SERGEF: variants seen among roughly 807,000 people sequenced by gnomAD.
The protein encoded by SERGEF is secretion regulating guanine nucleotide exchange factor, also known as secretion-regulating guanine nucleotide exchange factor.
SERGEF carries 51 observed loss-of-function variants against 50.0 expected under a neutral mutation model. That is an observed-to-expected ratio of 1.02 (90% CI 0.81 to 1.29). The LOEUF (loss-of-function observed/expected upper bound fraction) is 1.29. Among genes scored for constraint, SERGEF ranks in the 50% most tolerant of loss-of-function variants. The probability of loss-of-function intolerance (pLI) is 0.00; values close to 1 mark genes in which losing one functional copy is unlikely to be tolerated. For synonymous variants in SERGEF, 205 were observed against 212.4 expected (o/e 0.97, Z 0.30); for missense variants, 521 against 557.0 (o/e 0.94, Z 0.65).
At chr11:17,855,730 A>G (rs1195836112) in intron 10 of SERGEF, 2 of 152,242 alleles carry the variant, frequency 1.3e-5, no homozygotes, top group Non-Finnish European at 2.9e-5. Flanking sequence ...GCAACTGCAG[A>G]TAAGGGGAAC....
At chr11:17,829,655 T>C (rs995503302) in intron 10 of SERGEF, among the ~76,000 whole-genome samples, 65 of 152,122 alleles carry the variant, frequency 4.3e-4, no homozygotes, top group African/African-American at 1.5e-3. Context: ...CAACAACTAC[T>C]AACCAACAAA....
chr11:17,915,800 C>A (rs1365810016), intron 9 of SERGEF, among the ~76,000 whole-genome samples: 1 of 152,224 alleles, frequency 6.6e-6, no homozygotes, highest in Non-Finnish European at 1.5e-5. Flanking sequence ...AAACTATGAA[C>A]CTTTCCCATT....
At chr11:17,813,622 C>T (rs981167802) in intron 10 of SERGEF, among the ~76,000 whole-genome samples, 2 of 152,220 alleles carry the variant, frequency 1.3e-5, no homozygotes, top group African/African-American at 4.8e-5. Context: ...TACTCCCCCA[C>T]AAAAATCTTT....
chr11:17,862,741 T>G (rs1850948723), intron 10 of SERGEF, among the ~76,000 whole-genome samples: 1 of 152,146 alleles, frequency 6.6e-6, no homozygotes. Flanking sequence ...GCAGATACGA[T>G]GGTGCTGCCC....
At chr11:17,788,915 C>T (rs1036351010) in intron 10 of SERGEF, among the ~76,000 whole-genome samples, 1 of 152,210 alleles carries the variant, frequency 6.6e-6, no homozygotes, top group Admixed American at 6.5e-5. Flanking sequence ...AATCTAATCA[C>T]GTGTCACTCT....
At chr11:17,938,735 G>A (rs1852502488) in intron 9 of SERGEF, among the ~76,000 whole-genome samples, 1 of 152,152 alleles carries the variant, frequency 6.6e-6, no homozygotes, top group Non-Finnish European at 1.5e-5. Context: ...GACATCCTTG[G>A]AACATATGGG....
intron 7 of SERGEF, 36 bp from the exon 8 acceptor site, chr11:17,988,791 G>A: frequency 6.3e-7 from 1 of 1,591,984 alleles, no homozygotes; most frequent in South Asian, 1.1e-5. Context: ...AGAGGTGAGG[G>A]AACATTAGTC....
chr11:17,788,376 G>A lies in SERGEF; in HGVS notation c.1086C>T (p.Gly362=). The change falls in exon 11 of 11, where the codon GGC becomes GGT. Residue 362 remains glycine, a synonymous_variant. Transcript: ENST00000265965. ...VCYSWGWNEH[G]MCGDGTEANV... is the part of the protein sequence containing the mutation. ...TGGCTTCAGTGCCATCTCCGCACATGCCATGCTCATTCCAGCCCCAAGAGT... is the reference window on the plus strand; with the variant it reads ...TGGCTTCAGTGCCATCTCCGCACATACCATGCTCATTCCAGCCCCAAGAGT... 1 of 1,612,924 alleles carries A rather than the reference G, an allele frequency of 6.2e-7. No individual in the cohort carries two copies. The highest frequency in any genetic ancestry group is 8.5e-7 in the Non-Finnish European group (1 of 1,179,122).
intron 8 of SERGEF, among the ~76,000 whole-genome samples, chr11:17,985,481 C>T (rs1372610863): frequency 6.6e-6 from 1 of 152,210 alleles, no homozygotes; most frequent in African/African-American, 2.4e-5. Flanking sequence ...TCAGATGAGA[C>T]ACCTGCAGGT....
intron 10 of SERGEF, among the ~76,000 whole-genome samples, chr11:17,830,003 CCTT>C (rs1316493930): frequency 5.3e-5 from 8 of 152,210 alleles, no homozygotes; most frequent in Non-Finnish European, 1.0e-4. Context: ...GGGCTTTCCT[CCTT>C]CTTGGAACAA....
chr11:17,822,822 AT>A (rs1290069437), intron 10 of SERGEF, among the ~76,000 whole-genome samples: 1 of 152,214 alleles, frequency 6.6e-6, no homozygotes, highest in African/African-American at 2.4e-5. Context: ...GAGCACAGAG[AT>A]TTCATTTAAT....
intron 8 of SERGEF, among the ~76,000 whole-genome samples, chr11:17,968,413 GA>G (rs1373603792): frequency 5.9e-5 from 9 of 152,188 alleles, no homozygotes; most frequent in African/African-American, 2.2e-4. Flanking sequence ...CTACTGCACT[GA>G]ACAGAACACA....
In SERGEF at chr11:17,981,965, T is replaced by A. The variant is rs1590232009; in HGVS notation, c.844+6632A>T. Among the ~76,000 whole-genome samples, 6 of 151,898 alleles carry A rather than the reference T, an allele frequency of 4.0e-5. No individual in the cohort carries two copies. In the South Asian group the frequency reaches 6.3e-4, roughly 16 times the overall value. On this transcript the variant is annotated intron_variant, in intron 8 of 10. Transcript: ENST00000265965. ...ACAGGCACGCACCACCACACCCAGA[T>A]AATTTTTTTTATATTTTGTTGTAGA...
intron 8 of SERGEF, among the ~76,000 whole-genome samples, chr11:17,962,368 A>G (rs980470769): frequency 6.6e-6 from 1 of 152,204 alleles, no homozygotes; most frequent in Non-Finnish European, 1.5e-5. Flanking sequence ...ATCCACATAT[A>G]AAAAATGCTC....
intron 9 of SERGEF, among the ~76,000 whole-genome samples, chr11:17,891,454 G>T (rs1851531008): frequency 6.6e-6 from 1 of 152,008 alleles, no homozygotes; most frequent in African/African-American, 2.4e-5. Context: ...GGTCAGTTCG[G>T]GACTCTCTCT....
intron 7 of SERGEF, among the ~76,000 whole-genome samples, chr11:17,989,691 G>A (rs919343105): frequency 3.3e-5 from 5 of 152,198 alleles, no homozygotes; most frequent in Non-Finnish European, 7.3e-5. Flanking sequence ...ATCTACAGCT[G>A]TACTACCCAA....
At chr11:17,882,041 T>C (rs1006163879) in intron 9 of SERGEF, among the ~76,000 whole-genome samples, 6 of 152,220 alleles carry the variant, frequency 3.9e-5, no homozygotes, top group Admixed American at 3.3e-4. Flanking sequence ...TCTAAGAACA[T>C]CACGCAATTT....
At chr11:17,841,335 G>A (rs1850498261) in intron 10 of SERGEF, among the ~76,000 whole-genome samples, 1 of 152,168 alleles carries the variant, frequency 6.6e-6, no homozygotes, top group Admixed American at 6.5e-5. Flanking sequence ...TTTATTTTTA[G>A]CTTAGCGAAT....
rs554780000 is a variant in SERGEF, at chr11:17,813,275, A to C, written c.1049-24862T>G. Among the ~76,000 whole-genome samples the C allele has an allele frequency of 1.1e-3, 161 of 152,308 alleles. 1 individual carries two copies. Among genetic ancestry groups the C allele is most frequent in the African/African-American group, 3.6e-3 (151 of 41,564 alleles). ...GAAAGCAGCCAAGTGGTGTCTGTGC[A>C]AAGATGAGGTGGAGTTTTGTTTCCA... On this transcript the variant is annotated intron_variant, in intron 10 of 10. Coordinates refer to ENST00000265965, the MANE Select transcript of SERGEF (RefSeq NM_012139.4).
Sources: gnomAD v4.1 joint callset for allele counts (sites outside exome capture counted in the v4.1 genomes callset) on GRCh38, gnomAD v4.1.1 for gene constraint, MANE v1.5 for transcripts, NCBI Gene and HGNC (gene_info 2026-07-23, HGNC 2026-07-21) for gene names.